IMMP2L: variants seen among roughly 807,000 people sequenced by gnomAD.
IMMP2L encodes the protein mitochondrial inner membrane protease subunit 2.
In IMMP2L, 18 loss-of-function variants were observed where a neutral mutation model predicts 19.3. That is an observed-to-expected ratio of 0.93 (90% CI 0.64 to 1.38). IMMP2L has a LOEUF of 1.38. Ranked by LOEUF, IMMP2L falls within the 40% of genes most tolerant of loss-of-function variation. IMMP2L has a pLI of 0.00. For missense variants in IMMP2L, 233 were observed against 218.2 expected, an observed-to-expected ratio of 1.07 and a Z score of -0.43; for synonymous variants, 76 against 73.0, an observed-to-expected ratio of 1.04 and a Z score of -0.21.
intron 4 of IMMP2L, among the ~76,000 whole-genome samples, chr7:110,897,829 C>T (rs576697046): frequency 1.3e-5 from 2 of 152,066 alleles, no homozygotes; most frequent in Admixed American, 6.6e-5. Flanking sequence ...CAGAAAAGCA[C>T]ATGATATGAT....
intron 3 of IMMP2L, among the ~76,000 whole-genome samples, chr7:111,228,463 C>T (rs1356590231): frequency 4.0e-5 from 6 of 151,782 alleles, no homozygotes; most frequent in Admixed American, 2.6e-4. Flanking sequence ...TCCCAAAAGC[C>T]AGGAAACACT....
intron 5 of IMMP2L, among the ~76,000 whole-genome samples, chr7:110,714,704 C>T (rs1795125540): frequency 6.6e-6 from 1 of 152,154 alleles, no homozygotes; most frequent in Non-Finnish European, 1.5e-5. Flanking sequence ...TCAAGCGATT[C>T]TCCTGCCTCA....
intron 2 of IMMP2L, among the ~76,000 whole-genome samples, chr7:111,500,908 CA>C (rs1202033978): frequency 1.3e-5 from 2 of 152,138 alleles, no homozygotes; most frequent in Non-Finnish European, 2.9e-5. Flanking sequence ...CTCTAAAAAG[CA>C]GAGTGCCTCT....
intron 3 of IMMP2L, among the ~76,000 whole-genome samples, chr7:111,347,339 G>C (rs529895041): frequency 6.6e-6 from 1 of 152,146 alleles, no homozygotes; most frequent in Admixed American, 6.6e-5. Context: ...GGGTACACAA[G>C]CAAGTTAGAG....
At chr7:111,192,759 C>T (rs1026832145) in intron 3 of IMMP2L, among the ~76,000 whole-genome samples, 4 of 151,978 alleles carry the variant, frequency 2.6e-5, no homozygotes, top group Non-Finnish European at 4.4e-5. Context: ...GTGCAAAGTA[C>T]ACAAAGAGAA....
chr7:110,691,157 T>A (rs183610577), intron 5 of IMMP2L, among the ~76,000 whole-genome samples: 1 of 152,108 alleles, frequency 6.6e-6, no homozygotes, highest in Admixed American at 6.5e-5. Context: ...AACCCAGAAA[T>A]AAAGCCAAAT....
intron 4 of IMMP2L, among the ~76,000 whole-genome samples, chr7:110,960,174 G>C (rs1302633715): frequency 6.6e-6 from 1 of 151,812 alleles, no homozygotes; most frequent in Admixed American, 6.6e-5. Flanking sequence ...ATTCTTTTGG[G>C]TTTTAAAAAT....
intron 3 of IMMP2L, among the ~76,000 whole-genome samples, chr7:111,424,275 G>A (rs1170400782): frequency 6.6e-6 from 1 of 151,734 alleles, no homozygotes; most frequent in African/African-American, 2.4e-5. Flanking sequence ...ACAAATATCT[G>A]TTTAAGTAGC....
At chr7:111,173,577 C>T (rs921884543) in intron 3 of IMMP2L, among the ~76,000 whole-genome samples, 1 of 151,616 alleles carries the variant, frequency 6.6e-6, no homozygotes, top group Admixed American at 6.6e-5. Flanking sequence ...GCTATACACT[C>T]GTTCTTTTTC....
intron 3 of IMMP2L, among the ~76,000 whole-genome samples, chr7:111,463,683 T>C (rs555981366): frequency 6.6e-6 from 1 of 152,276 alleles, no homozygotes; most frequent in South Asian, 2.1e-4. Flanking sequence ...GCCATCAGGC[T>C]ATGATGACAT....
chr7:110,993,721 G>C (rs1040018323), intron 3 of IMMP2L, among the ~76,000 whole-genome samples: 12 of 151,912 alleles, frequency 7.9e-5, no homozygotes, highest in African/African-American at 2.9e-4. Context: ...AAAGTCGAAT[G>C]GTCAAAAACC....
chr7:111,395,818 T>C (rs1405287388), intron 3 of IMMP2L, among the ~76,000 whole-genome samples: 1 of 152,080 alleles, frequency 6.6e-6, no homozygotes, highest in African/African-American at 2.4e-5. Flanking sequence ...ACTATAAAAT[T>C]CATATTACTG....
intron 1 of IMMP2L, among the ~76,000 whole-genome samples, chr7:111,540,268 G>A (rs965981981): frequency 6.6e-6 from 1 of 152,184 alleles, no homozygotes; most frequent in African/African-American, 2.4e-5. Flanking sequence ...CAGAAGACCA[G>A]TGGGGTGAAT....
At chr7:111,522,939 T>TATATATATATATATATA (rs1563308511) in intron 1 of IMMP2L, among the ~76,000 whole-genome samples, 1 of 108,010 alleles carries the variant, frequency 9.3e-6, no homozygotes, top group African/African-American at 5.0e-5. Context: ...ATATATATAT[T>TATATATATATATATATA]ATTTCACCAT....
chr7:110,674,454 CTT>C (rs1233034125), intron 5 of IMMP2L, among the ~76,000 whole-genome samples: 1 of 152,134 alleles, frequency 6.6e-6, no homozygotes, highest in Non-Finnish European at 1.5e-5. Flanking sequence ...AAGCACAACA[CTT>C]TTAAATCCAT....
chr7:111,532,774 C>A (rs1302656009), intron 1 of IMMP2L, among the ~76,000 whole-genome samples: 1 of 152,086 alleles, frequency 6.6e-6, no homozygotes, highest in African/African-American at 2.4e-5. Flanking sequence ...ATTAGTCTGT[C>A]AAAAATAAAA....
chr7:111,371,209 C>T (rs1363709406), intron 3 of IMMP2L, among the ~76,000 whole-genome samples: 1 of 151,950 alleles, frequency 6.6e-6, no homozygotes, highest in African/African-American at 2.4e-5. Flanking sequence ...GACTCTTCTT[C>T]ACTAATCTAC....
chr7:111,084,761 C>A (rs907112071), intron 3 of IMMP2L, among the ~76,000 whole-genome samples: 1 of 151,974 alleles, frequency 6.6e-6, no homozygotes, highest in Non-Finnish European at 1.5e-5. Context: ...ATTTCAGTAA[C>A]AAGTTTGGAT....
intron 5 of IMMP2L, among the ~76,000 whole-genome samples, chr7:110,701,436 T>C (rs1794281204): frequency 6.6e-6 from 1 of 152,106 alleles, no homozygotes; most frequent in Non-Finnish European, 1.5e-5. Context: ...TTAATTTTTG[T>C]TTTTTTAGAT....
Sources: allele counts gnomAD v4.1 joint callset (sites outside exome capture counted in the v4.1 genomes callset), GRCh38; gene constraint gnomAD v4.1.1; transcripts MANE v1.5; gene names NCBI Gene and HGNC (gene_info 2026-07-23, HGNC 2026-07-21).